The following HMGA2 variants were observed in gnomAD, a reference collection of about 807,000 sequenced individuals.
The protein encoded by HMGA2 is high mobility group protein HMGI-C.
In HMGA2, 8 loss-of-function variants were observed where a neutral mutation model predicts 19.1. That is an observed-to-expected ratio of 0.42 (90% CI 0.25 to 0.76). The LOEUF (loss-of-function observed/expected upper bound fraction) is 0.76, where lower values mean the gene tolerates loss of function less well. Among genes scored for constraint, HMGA2 ranks in the 30% least tolerant of loss-of-function variants. HMGA2 has a pLI of 0.28. For missense variants in HMGA2, 109 were observed against 136.3 expected, an observed-to-expected ratio of 0.80 and a Z score of 1.00; for synonymous variants, 60 against 48.8, an observed-to-expected ratio of 1.23 and a Z score of -0.96.
intron 3 of HMGA2, among the ~76,000 whole-genome samples, chr12:65,939,035 A>T (rs1875993935): frequency 6.6e-6 from 1 of 152,218 alleles, no homozygotes; most frequent in African/African-American, 2.4e-5. Flanking sequence ...TTGAGGAAGA[A>T]GAGCTACAAG....
At chr12:65,837,313 T>C (rs1870775788) in intron 2 of HMGA2, among the ~76,000 whole-genome samples, 1 of 152,236 alleles carries the variant, frequency 6.6e-6, no homozygotes, top group African/African-American at 2.4e-5. Context: ...TCTACCTGTC[T>C]GTCTATCTGC....
At chr12:65,864,353 A>T (rs897760439) in intron 3 of HMGA2, among the ~76,000 whole-genome samples, 2 of 152,072 alleles carry the variant, frequency 1.3e-5, no homozygotes, top group Non-Finnish European at 2.9e-5. Context: ...CAAGATGATA[A>T]TTTTTTGGCC....
At chr12:65,923,050 T>C (rs1875374553) in intron 3 of HMGA2, among the ~76,000 whole-genome samples, 1 of 152,080 alleles carries the variant, frequency 6.6e-6, no homozygotes, top group Non-Finnish European at 1.5e-5. Context: ...AGCATGAAAA[T>C]GGACTAATAC....
intron 3 of HMGA2, chr12:65,874,176 A>C (rs1269392401): frequency 6.6e-6 from 1 of 151,906 alleles, no homozygotes; most frequent in South Asian, 2.1e-4. Flanking sequence ...AGTTTCATAG[A>C]TCTCATTTAT....
chr12:65,836,218 G>A (rs1181985187), intron 2 of HMGA2, among the ~76,000 whole-genome samples: 3 of 152,096 alleles, frequency 2.0e-5, no homozygotes, highest in Non-Finnish European at 2.9e-5. Context: ...AATTAGCCGG[G>A]TGTGGTGGCA....
chr12:65,893,168 G>A (rs1873986569), intron 3 of HMGA2, among the ~76,000 whole-genome samples: 1 of 152,186 alleles, frequency 6.6e-6, no homozygotes, highest in African/African-American at 2.4e-5. Context: ...GAAGGAGGGT[G>A]AAATTACAGC....
intron 3 of HMGA2, among the ~76,000 whole-genome samples, chr12:65,924,562 CTG>C (rs1180683488): frequency 6.6e-6 from 1 of 152,188 alleles, no homozygotes; most frequent in Non-Finnish European, 1.5e-5. Flanking sequence ...CTTTGGGAGA[CTG>C]AGGCAGGTGG....
At chr12:65,874,359 C>T (rs548170223) in intron 3 of HMGA2, among the ~76,000 whole-genome samples, 1 of 151,966 alleles carries the variant, frequency 6.6e-6, no homozygotes, top group African/African-American at 2.4e-5. Flanking sequence ...TGCTGAGACA[C>T]ATTGAGTGAA....
Position 65,825,816 on chromosome 12 carries a change from G to A in HMGA2, c.111+435G>A, listed in dbSNP as rs990845103. ...CGCTTCGGCCGATCTGGGCTGAAGG[G>A]GCTAGAGTCTTGGGGGCCGGAGGCT... On this transcript the variant is annotated intron_variant, in intron 1 of 4. Transcript: ENST00000403681. This position sits in a 1 kb window ranked among gnomAD's most constrained non-coding sequence, Gnocchi z 4.4. Among the ~76,000 whole-genome samples, 13 of 152,226 alleles carry A rather than the reference G, an allele frequency of 8.5e-5. No homozygotes were observed. The highest frequency in any genetic ancestry group is 3.1e-4 in the African/African-American group (13 of 41,554).
At chr12:65,911,873 A>G (rs1434122501) in intron 3 of HMGA2, among the ~76,000 whole-genome samples, 2 of 152,170 alleles carry the variant, frequency 1.3e-5, no homozygotes, top group Non-Finnish European at 2.9e-5. Context: ...ATTTAACTGT[A>G]TGTTTATTAA....
chr12:65,875,446 CAA>C (rs1320382517), intron 3 of HMGA2, among the ~76,000 whole-genome samples: 1 of 152,012 alleles, frequency 6.6e-6, no homozygotes, highest in Non-Finnish European at 1.5e-5. Context: ...TGTTTTGAGA[CAA>C]AGTCTTTCTC....
intron 3 of HMGA2, among the ~76,000 whole-genome samples, chr12:65,942,344 A>G (rs1188584971): frequency 6.6e-6 from 1 of 152,224 alleles, no homozygotes; most frequent in African/African-American, 2.4e-5. Context: ...TAGCTTTGTG[A>G]ATGGTCATAC....
intron 3 of HMGA2, among the ~76,000 whole-genome samples, chr12:65,926,148 T>C (rs1036587969): frequency 6.6e-6 from 1 of 152,194 alleles, no homozygotes; most frequent in Non-Finnish European, 1.5e-5. Flanking sequence ...ACTAAATCCC[T>C]GTATTTATTA....
chr12:65,915,645 C>T (rs1394040321), intron 3 of HMGA2: 1 of 718,790 alleles, frequency 1.4e-6, no homozygotes, highest in African/African-American at 1.9e-5. Flanking sequence ...ATTTCATTCC[C>T]AGCTTCAGAT....
At chr12:65,949,949 G>C (rs1876399910) in intron 3 of HMGA2, among the ~76,000 whole-genome samples, 1 of 152,188 alleles carries the variant, frequency 6.6e-6, no homozygotes, top group Non-Finnish European at 1.5e-5. Context: ...CACATGAAAA[G>C]ATGCTCAACA....
In HMGA2 at chr12:65,871,057, T is replaced by C. The variant is rs985316702; in HGVS notation, c.249+32488T>C. ...AATCCGACATGATTTAGAAAAAACG[T>C]AGGCTCAGTCAGAAGCCATAGTCTA... On this transcript the variant is annotated intron_variant, in intron 3 of 4. Transcript: ENST00000403681. Among the ~76,000 whole-genome samples, 5 of 152,304 alleles carry C rather than the reference T, an allele frequency of 3.3e-5. No homozygotes were observed. The East Asian group carries it at 7.7e-4, about 24-fold the overall frequency.
chr12:65,859,903 G>C (rs1157809618), intron 3 of HMGA2: 3 of 254,506 alleles, frequency 1.2e-5, no homozygotes, highest in South Asian at 8.2e-5. Flanking sequence ...GGGCAATATA[G>C]TAATGCCCCA....
intron 3 of HMGA2, among the ~76,000 whole-genome samples, chr12:65,868,453 TCGTGGAGGA>T (rs1872546698): frequency 6.6e-6 from 1 of 151,970 alleles, no homozygotes; most frequent in East Asian, 1.9e-4. Flanking sequence ...TCCACTACGA[TCGTGGAGGA>T]GTCAGATTAC....
At chr12:65,871,936 C>G (rs565419129) in intron 3 of HMGA2, among the ~76,000 whole-genome samples, 1 of 152,314 alleles carries the variant, frequency 6.6e-6, no homozygotes, top group South Asian at 2.1e-4. Context: ...TGCTTTGTAG[C>G]TTTGTGCTCC....
Sources: allele counts gnomAD v4.1 joint callset (sites outside exome capture counted in the v4.1 genomes callset), GRCh38; gene constraint gnomAD v4.1.1; non-coding constraint Gnocchi (gnomAD v3.1); transcripts MANE v1.5; gene names NCBI Gene and HGNC (gene_info 2026-07-23, HGNC 2026-07-21).